ZFPM2: variants seen among roughly 807,000 people sequenced by gnomAD.
ZFPM2 encodes the protein zinc finger protein ZFPM2.
ZFPM2 carries 20 observed loss-of-function variants against 98.6 expected under a neutral mutation model. The ratio of observed to expected loss-of-function variants is 0.20; its 90% CI spans 0.14 to 0.29. The LOEUF (loss-of-function observed/expected upper bound fraction) is 0.29. Among genes scored for constraint, ZFPM2 ranks in the 10% least tolerant of loss-of-function variants. The pLI, the probability that ZFPM2 is intolerant of heterozygous loss-of-function variation, is 1.00. For synonymous variants in ZFPM2, 518 were observed against 502.7 expected (o/e 1.03, Z -0.41); for missense variants, 1,310 against 1,388.6 (o/e 0.94, Z 0.90).
At chr8:105,747,716 A>C (rs1022399519) in intron 5 of ZFPM2, among the ~76,000 whole-genome samples, 6 of 152,100 alleles carry the variant, frequency 3.9e-5, no homozygotes, top group African/African-American at 9.6e-5. Flanking sequence ...AAGGCACTTA[A>C]AATGCAAAGC....
intron 2 of ZFPM2, among the ~76,000 whole-genome samples, chr8:105,431,366 T>G (rs1419331787): frequency 6.6e-6 from 1 of 152,214 alleles, no homozygotes; most frequent in Non-Finnish European, 1.5e-5. Flanking sequence ...TTAGAATAAT[T>G]AATGAATGAA....
chr8:105,569,380 C>G (rs1378464420), intron 4 of ZFPM2, among the ~76,000 whole-genome samples: 3 of 152,166 alleles, frequency 2.0e-5, no homozygotes, highest in Non-Finnish European at 2.9e-5. Flanking sequence ...CTTCCTGAGG[C>G]TTTACATCCA....
At chr8:105,659,409 C>T (rs1467080551) in intron 5 of ZFPM2, among the ~76,000 whole-genome samples, 2 of 152,114 alleles carry the variant, frequency 1.3e-5, no homozygotes, top group African/African-American at 4.8e-5. Flanking sequence ...AATGTTGGAA[C>T]GGAAGCACAG....
chr8:105,577,828 C>A (rs375770562), intron 4 of ZFPM2, among the ~76,000 whole-genome samples: 3 of 150,692 alleles, frequency 2.0e-5, no homozygotes, highest in East Asian at 3.9e-4. Flanking sequence ...AAAAGTGCTT[C>A]CATATTATTT....
intron 6 of ZFPM2, among the ~76,000 whole-genome samples, chr8:105,794,364 G>A (rs1698664637): frequency 6.6e-6 from 1 of 152,202 alleles, no homozygotes; most frequent in African/African-American, 2.4e-5. Context: ...GTTTGCCTAG[G>A]TAGCAGCAGC....
At chr8:105,690,893 ACTAT>A (rs1395644865) in intron 5 of ZFPM2, 1 of 152,170 alleles carries the variant, frequency 6.6e-6, no homozygotes, top group African/African-American at 2.4e-5. Flanking sequence ...TACTAGGGAA[ACTAT>A]CTAGAGAGTT....
At chr8:105,483,515 G>A (rs1427889861) in intron 3 of ZFPM2, among the ~76,000 whole-genome samples, 7 of 151,472 alleles carry the variant, frequency 4.6e-5, no homozygotes, top group African/African-American at 7.3e-5. Flanking sequence ...ACTTGAATTC[G>A]GGAGGCAGAG....
intron 4 of ZFPM2, among the ~76,000 whole-genome samples, chr8:105,608,330 A>G (rs1232450983): frequency 1.3e-5 from 2 of 152,140 alleles, no homozygotes; most frequent in African/African-American, 4.8e-5. Flanking sequence ...AACTTTCTAA[A>G]AAAAGAAAAA....
At chr8:105,645,889 TA>T (rs1817031629) in intron 5 of ZFPM2, among the ~76,000 whole-genome samples, 1 of 151,236 alleles carries the variant, frequency 6.6e-6, no homozygotes, top group African/African-American at 2.4e-5. Flanking sequence ...CTATCTCTAG[TA>T]AAAATAAAAA....
At chr8:105,790,387 G>T (rs1813568520) in intron 6 of ZFPM2, among the ~76,000 whole-genome samples, 1 of 152,156 alleles carries the variant, frequency 6.6e-6, no homozygotes, top group Non-Finnish European at 1.5e-5. Flanking sequence ...TCAAAGATCA[G>T]ATAGATAGTT....
chr8:105,466,051 T>C (rs1249998505), intron 3 of ZFPM2, among the ~76,000 whole-genome samples: 1 of 152,046 alleles, frequency 6.6e-6, no homozygotes, highest in Non-Finnish European at 1.5e-5. Flanking sequence ...AAATAGCTGA[T>C]ATTAAAGACA....
intron 5 of ZFPM2, among the ~76,000 whole-genome samples, chr8:105,678,282 A>G (rs75285552): frequency 0.044 from 6,635 of 152,286 alleles, 186 homozygotes; most frequent in Middle Eastern, 0.14. Context: ...GAATCTATCT[A>G]ATCAGCTGCT....
chr8:105,795,982 AATG>A (rs1462312502), intron 6 of ZFPM2: 6 of 213,698 alleles, frequency 2.8e-5, no homozygotes, highest in Non-Finnish European at 5.7e-5. Flanking sequence ...CCAGAGACAC[AATG>A]ATGTCTTGAT....
chr8:105,703,744 C>G (rs901299308), intron 5 of ZFPM2, among the ~76,000 whole-genome samples: 15 of 152,252 alleles, frequency 9.9e-5, no homozygotes, highest in African/African-American at 3.6e-4. Flanking sequence ...TCAAGCATTT[C>G]ATTATAAAAA....
intron 1 of ZFPM2, among the ~76,000 whole-genome samples, chr8:105,327,126 G>A (rs1812129556): frequency 6.6e-6 from 1 of 151,270 alleles, no homozygotes; most frequent in African/African-American, 2.4e-5. Context: ...ACTTTTGTGG[G>A]CATCTCTTAT....
chr8:105,547,723 A>G (rs1438682543), intron 3 of ZFPM2, among the ~76,000 whole-genome samples: 4 of 152,214 alleles, frequency 2.6e-5, no homozygotes, highest in African/African-American at 7.2e-5. Flanking sequence ...AAACAAAAAG[A>G]TGTTTTGACA....
chr8:105,350,389 TA>T (rs1339979373), intron 1 of ZFPM2, among the ~76,000 whole-genome samples: 3 of 152,222 alleles, frequency 2.0e-5, no homozygotes, highest in East Asian at 1.9e-4. Context: ...TAAGGTTAAA[TA>T]AGAGACAGAA....
chr8:105,465,111 A>G (rs1238150890), intron 3 of ZFPM2, among the ~76,000 whole-genome samples: 1 of 151,970 alleles, frequency 6.6e-6, no homozygotes, highest in Non-Finnish European at 1.5e-5. Flanking sequence ...TACCAGAGTG[A>G]TAATGACTGT....
chr8:105,616,212 A>G (rs1358134185), intron 4 of ZFPM2, among the ~76,000 whole-genome samples: 1 of 152,156 alleles, frequency 6.6e-6, no homozygotes, highest in Non-Finnish European at 1.5e-5. Context: ...ACATTTGATA[A>G]GTACTAGTGA....
Sources: gnomAD v4.1 joint callset for allele counts (sites outside exome capture counted in the v4.1 genomes callset) on GRCh38, gnomAD v4.1.1 for gene constraint, MANE v1.5 for transcripts, NCBI Gene and HGNC (gene_info 2026-07-23, HGNC 2026-07-21) for gene names.